The following CRACR2A variants were observed in gnomAD, a reference collection of about 807,000 sequenced individuals.
CRACR2A encodes EF-hand calcium-binding domain-containing protein 4B.
Under a neutral mutation model 90.5 loss-of-function variants are expected in CRACR2A, and 79 were observed. The ratio of observed to expected loss-of-function variants is 0.87; its 90% CI spans 0.73 to 1.05. The LOEUF is 1.05. Among genes scored for constraint, CRACR2A ranks in the 50% least tolerant of loss-of-function variants. The pLI, the probability that CRACR2A is intolerant of heterozygous loss-of-function variation, is 0.00. For missense variants in CRACR2A, 823 were observed against 897.2 expected (o/e 0.92, Z 1.06); for synonymous variants, 338 against 356.7 (o/e 0.95, Z 0.59).
At chr12:3,639,346 G>A (rs1311196597) in intron 13 of CRACR2A, among the ~76,000 whole-genome samples, 1 of 152,036 alleles carries the variant, frequency 6.6e-6, no homozygotes, top group Non-Finnish European at 1.5e-5. Context: ...CGGGGAACTG[G>A]ATGTGGGGGT....
intron 1 of CRACR2A, among the ~76,000 whole-genome samples, chr12:3,739,353 T>G (rs567280320): frequency 0.053 from 8,009 of 152,286 alleles, 296 homozygotes; most frequent in Non-Finnish European, 0.079. Flanking sequence ...TATATGAGCA[T>G]TTTTTTGAGG....
chr12:3,638,888 C>T (rs973481350), intron 13 of CRACR2A, among the ~76,000 whole-genome samples: 5 of 152,178 alleles, frequency 3.3e-5, no homozygotes, highest in East Asian at 1.9e-4. Context: ...AAAGCGCCCC[C>T]GATTAACATT....
chr12:3,710,587 G>C (rs1172011287), intron 3 of CRACR2A, among the ~76,000 whole-genome samples: 2 of 152,068 alleles, frequency 1.3e-5, no homozygotes, highest in Non-Finnish European at 2.9e-5. Flanking sequence ...AAGGTCAAGA[G>C]ATGGAGACCA....
intron 1 of CRACR2A, among the ~76,000 whole-genome samples, chr12:3,736,654 A>T (rs1565508065): frequency 6.6e-6 from 1 of 152,200 alleles, no homozygotes. Flanking sequence ...CATGCAGGAC[A>T]CTAACATTTA....
intron 8 of CRACR2A, among the ~76,000 whole-genome samples, chr12:3,657,655 C>T (rs1316901853): frequency 6.6e-6 from 1 of 152,212 alleles, no homozygotes; most frequent in East Asian, 1.9e-4. Context: ...AGCACCTGCT[C>T]CCAACATTTG....
intron 4 of CRACR2A, among the ~76,000 whole-genome samples, chr12:3,690,257 C>T (rs1375484699): frequency 1.3e-5 from 2 of 151,930 alleles, no homozygotes; most frequent in Non-Finnish European, 2.9e-5. Flanking sequence ...TATTAGGTTG[C>T]TAAATTGAGA....
At chr12:3,715,230 T>C (rs1262927574) in intron 2 of CRACR2A, among the ~76,000 whole-genome samples, 1 of 152,246 alleles carries the variant, frequency 6.6e-6, no homozygotes, top group Non-Finnish European at 1.5e-5. Context: ...ATATAAATCA[T>C]GGTAACTGCA....
At chr12:3,630,579 G>C (rs1368424102) in intron 15 of CRACR2A, among the ~76,000 whole-genome samples, 5 of 152,204 alleles carry the variant, frequency 3.3e-5, no homozygotes, top group East Asian at 1.9e-4. Flanking sequence ...AACCAAAGTG[G>C]AGAAGTGGGA....
chr12:3,704,885 G>A (rs1275997900), intron 3 of CRACR2A, among the ~76,000 whole-genome samples: 6 of 152,226 alleles, frequency 3.9e-5, no homozygotes, highest in Non-Finnish European at 7.3e-5. Context: ...TTAACCCTGT[G>A]TCCCCTGGCT....
chr12:3,638,161 G>C lies in CRACR2A; in HGVS notation c.1565C>G (p.Pro522Arg). 2.6e-6 allele frequency: 4 copies of C among 1,549,644 alleles called. No homozygotes were observed. The highest frequency in any genetic ancestry group is 3.5e-6 in the Non-Finnish European group (4 of 1,145,390). The part of the protein sequence containing the change: ...APPLKLTPTS[P>R]RGQPVGKEAL... ...TTCTTTTCCAACAGGCTGCCCTCGG[G>C]GGGATGTGGGGGTGAGTTTCAAGGG... The change falls in exon 14 of 20, where the codon CCC (proline) becomes CGC (arginine). Residue 522 changes from proline to arginine, a missense_variant. Pro to Arg is a moderately radical substitution (Grantham distance 103). Coordinates refer to ENST00000440314, the MANE Select transcript of CRACR2A (RefSeq NM_001144958.2).
In CRACR2A at chr12:3,746,475, A is replaced by C. The variant is rs1946628223; in HGVS notation, c.-387+6540T>G. Among the ~76,000 whole-genome samples the C allele has an allele frequency of 1.3e-5, 2 of 152,094 alleles. No individual in the cohort carries two copies. The highest frequency in any genetic ancestry group is 4.8e-5 in the African/African-American group (2 of 41,414). ...CTCTGTGCCATGTGAGGACACAAAA[A>C]GAAAGTGGCTTTCTGCAAGCCAAGG... On this transcript the variant is annotated intron_variant, in intron 1 of 19. Coordinates refer to ENST00000440314, the MANE Select transcript of CRACR2A (RefSeq NM_001144958.2). This position sits in a 1 kb window ranked among gnomAD's most constrained non-coding sequence, Gnocchi z 4.4.
intron 11 of CRACR2A, among the ~76,000 whole-genome samples, chr12:3,647,082 G>T (rs569284837): frequency 1.5e-4 from 23 of 152,274 alleles, no homozygotes; most frequent in Admixed American, 5.2e-4. Context: ...AATTGCTTGC[G>T]TTTGTACCCA....
intron 1 of CRACR2A, among the ~76,000 whole-genome samples, chr12:3,744,817 G>C (rs1946584783): frequency 6.6e-6 from 1 of 152,114 alleles, no homozygotes; most frequent in Admixed American, 6.5e-5. Context: ...TGACTTCCTG[G>C]AGCCACAGTT....
chr12:3,682,229 T>A (rs1945469086), intron 4 of CRACR2A, among the ~76,000 whole-genome samples: 1 of 152,196 alleles, frequency 6.6e-6, no homozygotes, highest in Non-Finnish European at 1.5e-5. Flanking sequence ...GATTGCTGGA[T>A]CTGATTCAAA....
At chr12:3,702,766 T>A (rs775960272) in intron 3 of CRACR2A, among the ~76,000 whole-genome samples, 1 of 152,220 alleles carries the variant, frequency 6.6e-6, no homozygotes, top group Non-Finnish European at 1.5e-5. Context: ...CCAGGCTTAT[T>A]TGTAGAAACT....
chr12:3,635,555 G>A (rs1478964949), intron 14 of CRACR2A, among the ~76,000 whole-genome samples: 1 of 152,112 alleles, frequency 6.6e-6, no homozygotes, highest in Non-Finnish European at 1.5e-5. Flanking sequence ...TGCCCAGGCT[G>A]GAGTGCAGTG....
chr12:3,717,060 A>G (rs1946092953), intron 2 of CRACR2A, among the ~76,000 whole-genome samples: 1 of 152,186 alleles, frequency 6.6e-6, no homozygotes, highest in Admixed American at 6.5e-5. Flanking sequence ...AGGAGCTGAC[A>G]TGTCAGGAAA....
chr12:3,744,677 A>AT (rs879323498), intron 1 of CRACR2A, among the ~76,000 whole-genome samples: 118 of 150,868 alleles, frequency 7.8e-4, no homozygotes, highest in Admixed American at 2.0e-3. Context: ...GAAGCAGATA[A>AT]TTTTTTTTTT....
rs1438912678 is a variant in CRACR2A, at chr12:3,688,210, A to G, written c.229-7861T>C. Among the ~76,000 whole-genome samples the G allele has an allele frequency of 2.0e-5, 3 of 151,980 alleles. No homozygotes were observed. The South Asian group carries it at 6.2e-4, about 32-fold the overall frequency. On this transcript the variant is annotated intron_variant, in intron 4 of 19. Transcript: ENST00000440314. ...TAGTTTAATTAGATTCCATTTGTCA[A>G]TTTTTGCTTTTGTTACAATTGCTTT...
Sources: allele counts gnomAD v4.1 joint callset (sites outside exome capture counted in the v4.1 genomes callset), GRCh38; gene constraint gnomAD v4.1.1; non-coding constraint Gnocchi (gnomAD v3.1); transcripts MANE v1.5; gene names NCBI Gene and HGNC (gene_info 2026-07-23, HGNC 2026-07-21).